Variants in PIGN observed in about 807,000 individuals in gnomAD.
The protein encoded by PIGN is GPI ethanolamine phosphate transferase 1.
Under a neutral mutation model 125.4 loss-of-function variants are expected in PIGN, and 117 were observed. The ratio of observed to expected loss-of-function variants is 0.93; its 90% CI spans 0.80 to 1.09. The LOEUF (loss-of-function observed/expected upper bound fraction) is 1.09. Ranked by LOEUF, PIGN falls within the 50% of genes least tolerant of loss-of-function variation. The probability of loss-of-function intolerance (pLI) is 0.00; values close to 1 mark genes in which losing one functional copy is unlikely to be tolerated. For synonymous variants in PIGN, 392 were observed against 377.8 expected (o/e 1.04, Z -0.44); for missense variants, 1,075 against 1,094.9 (o/e 0.98, Z 0.26).
chr18:62,041,641 G>GTGTGTT lies in PIGN; in HGVS notation c.*4214_*4215insAACACA, dbSNP rs1491450380. 5.6e-3 allele frequency: 136 copies of GTGTGTT among 24,304 alleles called. 1 individual carries two copies. Among genetic ancestry groups the GTGTGTT allele is most frequent in the African/African-American group, 0.032 (129 of 3,970 alleles). 1.5% of individuals were successfully genotyped at this position (24,304 alleles called of 1,614,324 possible). ...TTACAGGAGCCTACCACCCCGCCGG[G>GTGTGTT]TGTGTGTGTGTGTGTGTGTGTGTGT... On this transcript the variant is annotated 3_prime_UTR_variant, in exon 31 of 31. Transcript: ENST00000640252.
Position 62,041,638 on chromosome 18 carries a change from CGGGTGTGTGTGTGTGTGTGTGTGTGT to C in PIGN, c.*4192_*4217del, listed in dbSNP as rs1259927274. The C allele has an allele frequency of 3.2e-5, 3 of 95,236 alleles. No individual in the cohort carries two copies. Among genetic ancestry groups the C allele is most frequent in the South Asian group, 7.0e-4 (2 of 2,856 alleles). The allele number at this position is 95,236 out of a possible 1,614,324, so 5.9% of individuals were successfully genotyped here. A position where few individuals can be genotyped will look rare whatever the true frequency, so the allele number is the denominator to read the frequency against. ...GGATTACAGGAGCCTACCACCCCGC[CGGGTGTGTGTGTGTGTGTGTGTGTGT>C]GTGTGTGTGTGTGTGTGTGTGTGTG... On this transcript the variant is annotated 3_prime_UTR_variant, in exon 31 of 31. Coordinates refer to ENST00000640252, the MANE Select transcript of PIGN (RefSeq NM_176787.5).
chr18:62,018,956 C>T (rs1488311997), intron 23 of PIGN, among the ~76,000 whole-genome samples: 2 of 152,182 alleles, frequency 1.3e-5, no homozygotes, highest in Non-Finnish European at 2.9e-5. Context: ...GTGGCTCACA[C>T]CTGTAATCTC....
intron 30 of PIGN, among the ~76,000 whole-genome samples, chr18:62,062,799 C>A (rs1037080690): frequency 1.7e-4 from 25 of 150,254 alleles, no homozygotes; most frequent in African/African-American, 5.9e-4. Flanking sequence ...TAAATGCATT[C>A]TCTGCCTATA....
intron 23 of PIGN, among the ~76,000 whole-genome samples, chr18:62,023,310 A>G (rs888913845): frequency 9.2e-5 from 14 of 152,226 alleles, no homozygotes; most frequent in African/African-American, 3.1e-4. Flanking sequence ...AGGATATTTT[A>G]TAAAATCATA....
chr18:62,069,305 T>C (rs1186978513), intron 30 of PIGN: 2 of 152,218 alleles, frequency 1.3e-5, no homozygotes, highest in Non-Finnish European at 2.9e-5. Flanking sequence ...CATCTTCCTA[T>C]GAAAACTGCA....
rs146821119 is a variant in PIGN, at chr18:62,069,203, C to T, written c.2672+3470G>A. On this transcript the variant is annotated intron_variant, in intron 30 of 30. Transcript: ENST00000640252. The stretch of plus-strand genomic sequence containing the variant: ...CAATTTTTACTTTGAAGAAAAAACA[C>T]GCCAGGTAAAGATAAACCTCAAGCT... Among the ~76,000 whole-genome samples the T allele has an allele frequency of 3.2e-3, 486 of 152,240 alleles. 1 individual carries two copies. Among genetic ancestry groups the T allele is most frequent in the African/African-American group, 0.011 (449 of 41,502 alleles).
intron 30 of PIGN, among the ~76,000 whole-genome samples, chr18:62,062,457 T>C (rs1184252496): frequency 6.6e-6 from 1 of 152,200 alleles, no homozygotes; most frequent in East Asian, 1.9e-4. Flanking sequence ...ATACTGAGAA[T>C]GAGATAAACT....
rs75966177 is a variant in PIGN, at chr18:62,107,154, G to T, written c.1575-69C>A. 27,662 of 958,562 alleles carry T rather than the reference G, an allele frequency of 0.029. 477 individuals are homozygous for T. The highest frequency in any genetic ancestry group is 0.072 in the East Asian group (2,731 of 38,150). 59.4% of individuals were successfully genotyped at this position (958,562 alleles called of 1,614,324 possible). A position where few individuals can be genotyped will look rare whatever the true frequency, so the allele number is the denominator to read the frequency against. On this transcript the variant is annotated intron_variant, in intron 17 of 30. Coordinates refer to ENST00000640252, the MANE Select transcript of PIGN (RefSeq NM_176787.5). Reference sequence around the variant, plus strand: ...TACATAGTATAACAATACAAACTTTGCACAAAGCTAAAACACTACATAATT... The same window carrying T: ...TACATAGTATAACAATACAAACTTTTCACAAAGCTAAAACACTACATAATT...
chr18:62,074,511 A>G (rs1177555582), intron 29 of PIGN, among the ~76,000 whole-genome samples: 1 of 152,180 alleles, frequency 6.6e-6, no homozygotes, highest in Non-Finnish European at 1.5e-5. Context: ...TTTTTCTGCT[A>G]ATTTTCTTTG....
chr18:62,067,905 G>A (rs1238383182), intron 30 of PIGN, among the ~76,000 whole-genome samples: 1 of 152,084 alleles, frequency 6.6e-6, no homozygotes, highest in African/African-American at 2.4e-5. Context: ...TTCCCTCTAG[G>A]TCTCACTCAC....
intron 23 of PIGN, among the ~76,000 whole-genome samples, chr18:62,021,843 C>T (rs573433597): frequency 1.6e-4 from 24 of 152,302 alleles, no homozygotes; most frequent in Admixed American, 1.2e-3. Context: ...AAATCAGGGT[C>T]TCGGCTGAGC....
chr18:62,118,221 CTTT>C (rs1490770229), intron 14 of PIGN, among the ~76,000 whole-genome samples: 1 of 151,660 alleles, frequency 6.6e-6, no homozygotes, highest in African/African-American at 2.4e-5. Flanking sequence ...GGAAAAGTGA[CTTT>C]TTATTATTGT....
chr18:62,029,695 G>C (rs2030168034), intron 23 of PIGN, among the ~76,000 whole-genome samples: 1 of 152,204 alleles, frequency 6.6e-6, no homozygotes. Context: ...AGGGAGACTA[G>C]GAATAGGAAC....
At chr18:62,146,285 G>T (rs1184094084) in intron 9 of PIGN, among the ~76,000 whole-genome samples, 2 of 152,108 alleles carry the variant, frequency 1.3e-5, no homozygotes, top group African/African-American at 2.4e-5. Flanking sequence ...TGAAAGAATA[G>T]AAATAATAAC....
At chr18:62,112,287 T>G (rs1044263406) in intron 16 of PIGN, among the ~76,000 whole-genome samples, 1 of 152,214 alleles carries the variant, frequency 6.6e-6, no homozygotes, top group East Asian at 1.9e-4. Context: ...TACAGAATAA[T>G]AAAATATAAA....
rs1365027024 is a variant in PIGN at position 62,042,300 on chromosome 18, G to C, written c.*3556C>G. The C allele has an allele frequency of 6.6e-6, 1 of 151,882 alleles. No homozygotes were observed. Among genetic ancestry groups the C allele is most frequent in the African/African-American group, 2.4e-5 (1 of 41,344 alleles). The allele number at this position is 151,882 out of a possible 1,614,324, so 9.4% of individuals were successfully genotyped here. On this transcript the variant is annotated 3_prime_UTR_variant, in exon 31 of 31. Coordinates refer to ENST00000640252, the MANE Select transcript of PIGN (RefSeq NM_176787.5). ...TGCGCCACTGCATTCCAGCCTTGGC[G>C]AGAGAGCCAGAGTCTGTCTTGAAAA...
chr18:62,062,887 T>TTTTTTTTTTTTTTTTTTTTTTTG (rs2032253049), intron 30 of PIGN, among the ~76,000 whole-genome samples: 1 of 23,210 alleles, frequency 4.3e-5, no homozygotes, highest in Non-Finnish European at 1.0e-4. Context: ...TTCTGCTTTT[T>TTTTTTTTTTTTTTTTTTTTTTTG]TTTTTTTTTT....
intron 14 of PIGN, among the ~76,000 whole-genome samples, chr18:62,117,738 C>T (rs2035142172): frequency 6.6e-6 from 1 of 151,974 alleles, no homozygotes; most frequent in Non-Finnish European, 1.5e-5. Context: ...TCTACTTCAT[C>T]AATTCTATTC....
intron 30 of PIGN, among the ~76,000 whole-genome samples, chr18:62,050,883 C>T (rs2031221866): frequency 6.6e-6 from 1 of 150,682 alleles, no homozygotes; most frequent in African/African-American, 2.4e-5. Context: ...CCATCAATAC[C>T]TAATTTATTA....
Sources: gnomAD v4.1 joint callset for allele counts (sites outside exome capture counted in the v4.1 genomes callset) on GRCh38, gnomAD v4.1.1 for gene constraint, MANE v1.5 for transcripts, NCBI Gene and HGNC (gene_info 2026-07-23, HGNC 2026-07-21) for gene names.